The following ETAA1 variants were observed in gnomAD, a reference collection of about 807,000 sequenced individuals.
ETAA1 encodes the protein ETAA1 activator of ATR kinase.
A neutral mutation model predicts 76.8 loss-of-function variants in ETAA1; 49 were observed. That is an observed-to-expected ratio of 0.64 (90% CI 0.51 to 0.81). The LOEUF is 0.81. Among genes scored for constraint, ETAA1 ranks in the 30% least tolerant of loss-of-function variants. The pLI is 0.00. For synonymous variants in ETAA1, 373 were observed against 372.2 expected (o/e 1.00, Z -0.03); for missense variants, 1,099 against 1,074.0 (o/e 1.02, Z -0.32).
At chr2:67,402,478 C>G (rs1304057080) in intron 3 of ETAA1, 1 of 151,960 alleles carries the variant, frequency 6.6e-6, no homozygotes, top group Non-Finnish European at 1.5e-5. Flanking sequence ...ATGATTTCTG[C>G]CACACAGTTT....
chr2:67,399,482 G>A, intron 2 of ETAA1, 68 bp from the exon 3 acceptor site: 2 of 1,286,308 alleles, frequency 1.6e-6, no homozygotes, highest in South Asian at 2.5e-5. Context: ...TTTCTAAGAA[G>A]TGACAGCTGT....
intron 1 of ETAA1, among the ~76,000 whole-genome samples, chr2:67,398,085 T>C (rs1366679026): frequency 1.3e-5 from 2 of 152,096 alleles, no homozygotes; most frequent in Non-Finnish European, 2.9e-5. Flanking sequence ...GAAGAGTTCA[T>C]AGGAAAAGTT....
rs775334063 is a variant in ETAA1, at chr2:67,405,353, AAT to A, written c.2653+20_2653+21del. On this transcript the variant is annotated intron_variant, in intron 5 of 5. Coordinates refer to ENST00000272342, the MANE Select transcript of ETAA1 (RefSeq NM_019002.4). ...TTCAAAAGGTATGTATGAAATATGA[AAT>A]AGTTTTCTTTGAAAAGCATCTTAAA... 2.7e-6 allele frequency: 4 copies of A among 1,481,892 alleles called. No individual in the cohort carries two copies. The African/African-American group carries it at 4.2e-5, about 16-fold the overall frequency. The allele number at this position is 1,481,892 out of a possible 1,614,324, so 91.8% of individuals were successfully genotyped here. A position where few individuals can be genotyped will look rare whatever the true frequency, so the allele number is the denominator to read the frequency against.
rs1675903313 is a variant in ETAA1, at chr2:67,397,455, C to T, written c.7C>T (p.Arg3Trp). The change falls in exon 1 of 6, where the codon CGG (arginine) becomes TGG (tryptophan). Residue 3 changes from arginine to tryptophan, a missense_variant. Transcript: ENST00000272342. MSRRRKHDDSPSP... is the reference protein window; with the variant it reads MSWRRKHDDSPSP... Reference sequence around the variant, plus strand: ...TGGAGGCGGGCCATAGGCAATGAGTCGGCGAAGGAAACATGATGACAGCCC... The same window carrying T: ...TGGAGGCGGGCCATAGGCAATGAGTTGGCGAAGGAAACATGATGACAGCCC... 1.3e-6 allele frequency: 2 copies of T among 1,593,720 alleles called. No individual in the cohort carries two copies. Among genetic ancestry groups the T allele is most frequent in the Non-Finnish European group, 8.5e-7 (1 of 1,170,114 alleles).
In ETAA1 at chr2:67,403,241, CAAG is replaced by C. The variant is rs769703846; in HGVS notation, c.568_570del (p.Glu190del). On this transcript the variant is annotated inframe_deletion, in exon 5 of 6. Coordinates refer to ENST00000272342, the MANE Select transcript of ETAA1 (RefSeq NM_019002.4). ...GTTTAATAGGTTAAAAACACAAAGTCAAGAAGAAGAACTTATGAAACTGGCTAA... is the reference window on the plus strand; with the variant it reads ...GTTTAATAGGTTAAAAACACAAAGTCAAGAAGAACTTATGAAACTGGCTAA... 22 of 1,560,704 alleles carry C rather than the reference CAAG, an allele frequency of 1.4e-5. No homozygotes were observed. In the Admixed American group the frequency reaches 1.7e-4, roughly 12 times the overall value.
At position 67,403,211 on chromosome 2, in the gene ETAA1, A is replaced by G. The variant is rs1237269856; in HGVS notation, c.543-14A>G. 6.8e-7 allele frequency: 1 copy of G among 1,474,674 alleles called. No individual in the cohort carries two copies. Among genetic ancestry groups the G allele is most frequent in the Non-Finnish European group, 9.1e-7 (1 of 1,096,092 alleles). The allele number at this position is 1,474,674 out of a possible 1,614,324, so 91.3% of individuals were successfully genotyped here. A position where few individuals can be genotyped will look rare whatever the true frequency, so the allele number is the denominator to read the frequency against. ...TCAGAACATTTTTAGTTATTTTTTA[A>G]TCTTGTTTAATAGGTTAAAAACACA... On this transcript the variant is annotated splice_polypyrimidine_tract_variant and intron_variant, in intron 4 of 5. Transcript: ENST00000272342.
chr2:67,410,048 A>AGTT lies in ETAA1; in HGVS notation c.*12_*14dup. 1 of 1,597,794 alleles carries AGTT rather than the reference A, an allele frequency of 6.3e-7. No homozygotes were observed. Among genetic ancestry groups the AGTT allele is most frequent in the Non-Finnish European group, 8.5e-7 (1 of 1,175,386 alleles). On this transcript the variant is annotated 3_prime_UTR_variant, in exon 6 of 6. Coordinates refer to ENST00000272342, the MANE Select transcript of ETAA1 (RefSeq NM_019002.4). ...CACTTCATTTCTTTAATGAAATATT[A>AGTT]GTTGGAAGACTTCACGAAGACTGCT...
At position 67,410,585 on chromosome 2, in the gene ETAA1, T is replaced by A. The variant is rs533756337; in HGVS notation, c.*547T>A. The A allele has an allele frequency of 6.6e-6, 1 of 152,166 alleles. No homozygotes were observed. Among genetic ancestry groups the A allele is most frequent in the East Asian group, 1.9e-4 (1 of 5,184 alleles). The allele number at this position is 152,166 out of a possible 1,614,324, so 9.4% of individuals were successfully genotyped here. A position where few individuals can be genotyped will look rare whatever the true frequency, so the allele number is the denominator to read the frequency against. On this transcript the variant is annotated 3_prime_UTR_variant, in exon 6 of 6. Transcript: ENST00000272342. The stretch of plus-strand genomic sequence containing the variant: ...TAGAAGTGGATTTGAATTTTAATAA[T>A]TCTAAAATGTGACACATTTTGGAAA...
In ETAA1 at chr2:67,410,230, T is replaced by C. The variant is rs1271886938; in HGVS notation, c.*192T>C. 1 of 559,150 alleles carries C rather than the reference T, an allele frequency of 1.8e-6. No homozygotes were observed. Among genetic ancestry groups the C allele is most frequent in the Non-Finnish European group, 3.0e-6 (1 of 330,340 alleles). The allele number at this position is 559,150 out of a possible 1,614,324, so 34.6% of individuals were successfully genotyped here. A position where few individuals can be genotyped will look rare whatever the true frequency, so the allele number is the denominator to read the frequency against. ...TCCTTGGACATGTATTTGAAAGTCA[T>C]TAAATACAAAAGTTTTGGAAATTCA... is the stretch of plus-strand genomic sequence containing the variant. On this transcript the variant is annotated 3_prime_UTR_variant, in exon 6 of 6. Coordinates refer to ENST00000272342, the MANE Select transcript of ETAA1 (RefSeq NM_019002.4).
In ETAA1 at chr2:67,410,439, T is replaced by C. The variant is rs1676343746; in HGVS notation, c.*401T>C. Reference sequence around the variant, plus strand: ...GACTGTTTTTGTAGTTTTACTTTCATTAACTGTTGCTTAAGGTTTTTATAC... The same window carrying C: ...GACTGTTTTTGTAGTTTTACTTTCACTAACTGTTGCTTAAGGTTTTTATAC... On this transcript the variant is annotated 3_prime_UTR_variant, in exon 6 of 6. Transcript: ENST00000272342. 6.5e-6 allele frequency: 1 copy of C among 154,910 alleles called. No individual in the cohort carries two copies. The highest frequency in any genetic ancestry group is 2.4e-5 in the African/African-American group (1 of 41,490). 9.6% of individuals were successfully genotyped at this position (154,910 alleles called of 1,614,324 possible).
At position 67,410,912 on chromosome 2, in the gene ETAA1, T is replaced by C. The variant is rs1262573670; in HGVS notation, c.*874T>C. ...CTTGAGGGAGTATTATTTTCTAGTA[T>C]AAAACAAAAGATGTAATTAAAAGCA... On this transcript the variant is annotated 3_prime_UTR_variant, in exon 6 of 6. Coordinates refer to ENST00000272342, the MANE Select transcript of ETAA1 (RefSeq NM_019002.4). 1.3e-5 allele frequency: 2 copies of C among 152,116 alleles called. No individual in the cohort carries two copies. The highest frequency in any genetic ancestry group is 2.9e-5 in the Non-Finnish European group (2 of 67,978). The allele number at this position is 152,116 out of a possible 1,614,324, so 9.4% of individuals were successfully genotyped here. A position where few individuals can be genotyped will look rare whatever the true frequency, so the allele number is the denominator to read the frequency against.
intron 5 of ETAA1, 43 bp from the exon 6 acceptor site, chr2:67,409,868 T>C (rs768032550): frequency 6.4e-7 from 1 of 1,559,370 alleles, no homozygotes; most frequent in Non-Finnish European, 8.6e-7. Context: ...TGAATGACTT[T>C]ATAGGCTATA....
chr2:67,403,977 C>G lies in ETAA1; in HGVS notation c.1295C>G (p.Thr432Arg), dbSNP rs928656658. Residue 432 changes from threonine to arginine, a missense_variant, in exon 5 of 6, where the codon ACA (threonine) becomes AGA (arginine). This residue lies in a region of ETAA1 where 761 missense variants were observed against 731.9 expected (regional missense o/e 1.04). Transcript: ENST00000272342. The part of the protein sequence containing the change: ...KTVKNTSRAN[T>R]SPDARLGDSK... ...GTTAAAAATACGTCAAGAGCAAATA[C>G]AAGTCCAGATGCCAGGTTAGGAGAT... The G allele has an allele frequency of 1.9e-6, 3 of 1,608,166 alleles. No homozygotes were observed. Among genetic ancestry groups the G allele is most frequent in the African/African-American group, 1.3e-5 (1 of 74,364 alleles).
At position 67,411,813 on chromosome 2, in the gene ETAA1, TAAAG is replaced by T. The variant is rs1676380418; in HGVS notation, c.*1777_*1780del. Reference sequence around the variant, plus strand: ...TGCAAGTAGTTTCTATGTACAAAAATAAAGAGCTGAGAATCTTTTACTAAAAGTG... The same window carrying T: ...TGCAAGTAGTTTCTATGTACAAAAATAGCTGAGAATCTTTTACTAAAAGTG... On this transcript the variant is annotated 3_prime_UTR_variant, in exon 6 of 6. Transcript: ENST00000272342. 1 of 151,952 alleles carries T rather than the reference TAAAG, an allele frequency of 6.6e-6. No individual in the cohort carries two copies. 9.4% of individuals were successfully genotyped at this position (151,952 alleles called of 1,614,324 possible).
chr2:67,403,945 T>C lies in ETAA1; in HGVS notation c.1263T>C (p.Ser421=). ...TDQKEICTFN[S]KTVKNTSRAN... ...AAAAGGAAATTTGTACCTTTAATAG[T>C]AAAACTGTTAAAAATACGTCAAGAG... Residue 421 remains serine, a synonymous_variant, in exon 5 of 6, where the codon AGT becomes AGC. Transcript: ENST00000272342. 6.2e-7 allele frequency: 1 copy of C among 1,609,668 alleles called. No homozygotes were observed. The highest frequency in any genetic ancestry group is 8.5e-7 in the Non-Finnish European group (1 of 1,178,442).
chr2:67,398,306 C>CTT (rs57636211), intron 1 of ETAA1, among the ~76,000 whole-genome samples: 168 of 85,352 alleles, frequency 2.0e-3, no homozygotes, highest in African/African-American at 6.0e-3. Context: ...TGAAATAGTG[C>CTT]TTTTTTTTTT....
rs1325005188 is a variant in ETAA1, at chr2:67,410,393, T to TCAA, written c.*357_*359dup. The TCAA allele has an allele frequency of 1.1e-4, 18 of 164,794 alleles. No homozygotes were observed. Among genetic ancestry groups the TCAA allele is most frequent in the Non-Finnish European group, 3.9e-5 (3 of 76,856 alleles). The allele number at this position is 164,794 out of a possible 1,614,324, so 10.2% of individuals were successfully genotyped here. ...TAATGTCTTTTCCTAATAAAAAACT[T>TCAA]CAACTTTCTAAGTTAGTAGAGACTG... On this transcript the variant is annotated 3_prime_UTR_variant, in exon 6 of 6. Coordinates refer to ENST00000272342, the MANE Select transcript of ETAA1 (RefSeq NM_019002.4).
At chr2:67,402,818 C>A in intron 3 of ETAA1, 44 bp from the exon 4 acceptor site, 2 of 1,300,454 alleles carry the variant, frequency 1.5e-6, no homozygotes, top group Non-Finnish European at 1.0e-6. Flanking sequence ...ACGGGGGATG[C>A]TACACTGGTA....
At position 67,403,526 on chromosome 2, in the gene ETAA1, T is replaced by G. The variant is rs1190044177; in HGVS notation, c.844T>G (p.Phe282Val). The G allele has an allele frequency of 1.2e-6, 2 of 1,613,538 alleles. No homozygotes were observed. Among genetic ancestry groups the G allele is most frequent in the African/African-American group, 1.3e-5 (1 of 75,034 alleles). Residue 282 changes from phenylalanine (F) to valine (V), a missense_variant, in exon 5 of 6, where the codon TTT (phenylalanine) becomes GTT (valine). Around this residue, in one of 3 missense-constraint regions of ETAA1, gnomAD observed 761 missense variants for 731.9 expected, o/e 1.04. Transcript: ENST00000272342. ...KPFDQIAEAA[F>V]NAIFDGSTQK... is the part of the protein sequence containing the mutation. ...ATTTGACCAAATTGCTGAAGCAGCC[T>G]TTAATGCTATTTTTGATGGTTCTAC...
Sources: gnomAD v4.1 joint callset for allele counts (sites outside exome capture counted in the v4.1 genomes callset) on GRCh38, gnomAD v4.1.1 for gene constraint, gnomAD v4.1.1 regional missense constraint, MANE v1.5 for transcripts, NCBI Gene and HGNC (gene_info 2026-07-23, HGNC 2026-07-21) for gene names.